Variants in RAD51B observed in about 807,000 individuals in gnomAD.
The protein encoded by RAD51B is DNA repair protein RAD51 homolog 2.
A neutral mutation model predicts 42.2 loss-of-function variants in RAD51B; 38 were observed. That is an observed-to-expected ratio of 0.90 (90% CI 0.70 to 1.18). The LOEUF (loss-of-function observed/expected upper bound fraction) is 1.18. Ranked by LOEUF, RAD51B falls within the 50% of genes most tolerant of loss-of-function variation. The pLI is 0.00. For missense variants in RAD51B, 373 were observed against 400.7 expected (o/e 0.93, Z 0.59); for synonymous variants, 154 against 145.2 (o/e 1.06, Z -0.43).
At chr14:67,892,479 A>G (rs571029389) in intron 7 of RAD51B, among the ~76,000 whole-genome samples, 2 of 152,324 alleles carry the variant, frequency 1.3e-5, no homozygotes, top group African/African-American at 4.8e-5. Context: ...TTCATAGGTT[A>G]TGCAGGCAAG....
chr14:67,830,385 CAG>C (rs946917598), intron 3 of RAD51B, among the ~76,000 whole-genome samples: 7 of 149,898 alleles, frequency 4.7e-5, no homozygotes, highest in Non-Finnish European at 1.0e-4. Context: ...ATTAATATGA[CAG>C]ATATTTAGGA....
intron 10 of RAD51B, among the ~76,000 whole-genome samples, chr14:68,493,840 T>C (rs150527514): frequency 1.3e-3 from 192 of 152,252 alleles, no homozygotes; most frequent in African/African-American, 4.5e-3. Flanking sequence ...GTCAGGCGGG[T>C]TTTCATTTTC....
intron 7 of RAD51B, among the ~76,000 whole-genome samples, chr14:68,201,160 A>T (rs900033734): frequency 3.9e-5 from 6 of 152,174 alleles, no homozygotes; most frequent in African/African-American, 1.4e-4. Context: ...TTAAGAGAAA[A>T]TTTTTTTCTC....
chr14:68,372,481 G>C (rs905007165), intron 8 of RAD51B, among the ~76,000 whole-genome samples: 3 of 152,150 alleles, frequency 2.0e-5, no homozygotes, highest in African/African-American at 7.2e-5. Flanking sequence ...AGACCTCAAA[G>C]GTATTAGAAG....
chr14:68,614,303 C>T (rs1891781221), downstream of RAD51B, among the ~76,000 whole-genome samples: 1 of 152,140 alleles, frequency 6.6e-6, no homozygotes, highest in East Asian at 1.9e-4. Flanking sequence ...AGCCTTTATC[C>T]ATTATCAACA....
intron 8 of RAD51B, among the ~76,000 whole-genome samples, chr14:68,338,121 A>C (rs1390322303): frequency 6.6e-6 from 1 of 152,008 alleles, no homozygotes; most frequent in East Asian, 1.9e-4. Context: ...AATAACTGAA[A>C]CCCAAACTAT....
intron 7 of RAD51B, among the ~76,000 whole-genome samples, chr14:67,938,732 A>G (rs1420068470): frequency 2.0e-5 from 3 of 152,228 alleles, no homozygotes; most frequent in Non-Finnish European, 2.9e-5. Context: ...CTCAAATACT[A>G]TTGAATTAAA....
At chr14:68,620,481 A>G (rs767130019) in intron 10 of RAD51B, among the ~76,000 whole-genome samples, 1 of 152,228 alleles carries the variant, frequency 6.6e-6, no homozygotes, top group African/African-American at 2.4e-5. Flanking sequence ...AGCTGCTCAC[A>G]TTATTGGTTC....
chr14:68,591,040 A>C (rs1194421344), intron 10 of RAD51B, among the ~76,000 whole-genome samples: 1 of 152,192 alleles, frequency 6.6e-6, no homozygotes, highest in Non-Finnish European at 1.5e-5. Flanking sequence ...GGCCTTGTGC[A>C]TCTCACTAGT....
intron 7 of RAD51B, among the ~76,000 whole-genome samples, chr14:68,014,450 C>G (rs1223962444): frequency 1.3e-5 from 2 of 152,116 alleles, no homozygotes; most frequent in African/African-American, 4.8e-5. Context: ...ATCTCCTACT[C>G]TCTACTCATC....
At chr14:67,893,011 A>G (rs2043265304) in intron 7 of RAD51B, among the ~76,000 whole-genome samples, 1 of 152,174 alleles carries the variant, frequency 6.6e-6, no homozygotes, top group African/African-American at 2.4e-5. Flanking sequence ...AACTGTGAAT[A>G]TAACAGCTTT....
chr14:67,867,017 A>T (rs891644823), intron 5 of RAD51B, among the ~76,000 whole-genome samples: 1 of 152,312 alleles, frequency 6.6e-6, no homozygotes, highest in African/African-American at 2.4e-5. Flanking sequence ...CAAGGCTTAA[A>T]ATGAGTGATC....
chr14:67,907,017 C>A (rs1192926856), intron 7 of RAD51B, among the ~76,000 whole-genome samples: 3 of 152,028 alleles, frequency 2.0e-5, no homozygotes, highest in African/African-American at 7.3e-5. Flanking sequence ...CCATGTTGGT[C>A]AGGCTGGTCT....
At chr14:67,887,361 C>A in intron 7 of RAD51B, 157 bp downstream of exon 7, 1 of 532,042 alleles carries the variant, frequency 1.9e-6, no homozygotes, top group Non-Finnish European at 3.2e-6. Flanking sequence ...GCAAACATCG[C>A]CATCATCTTA....
intron 7 of RAD51B, among the ~76,000 whole-genome samples, chr14:67,997,369 G>A (rs1037656993): frequency 1.3e-4 from 20 of 152,092 alleles, no homozygotes; most frequent in African/African-American, 4.8e-4. Context: ...GATAAGGGAT[G>A]AAATCAAGAG....
intron 7 of RAD51B, among the ~76,000 whole-genome samples, chr14:68,132,265 T>C (rs2077908377): frequency 6.6e-6 from 1 of 152,170 alleles, no homozygotes; most frequent in Admixed American, 6.5e-5. Context: ...CCTCAAAGAT[T>C]TGGGGTGCTA....
intron 8 of RAD51B, among the ~76,000 whole-genome samples, chr14:68,360,912 G>A (rs2139910588): frequency 6.6e-6 from 1 of 152,310 alleles, no homozygotes; most frequent in Middle Eastern, 3.4e-3. Flanking sequence ...ACAGAGCAAG[G>A]CCTGTCTGTT....
rs1430670952 is a variant in RAD51B at position 68,236,769 on chromosome 14, T to C, written c.757-55115T>C. ...TCTTTGTGTCTATTTGGGGAGGAGT[T>C]GGGGAGTTGTTCTCTGAAACGCAAA... On this transcript the variant is annotated intron_variant, in intron 7 of 10. Transcript: ENST00000471583. Among the ~76,000 whole-genome samples, 3 of 152,168 alleles carry C rather than the reference T, an allele frequency of 2.0e-5. No individual in the cohort carries two copies. In the East Asian group the frequency reaches 5.8e-4, roughly 29 times the overall value.
At chr14:68,143,916 A>G (rs907841775) in intron 7 of RAD51B, among the ~76,000 whole-genome samples, 4 of 150,908 alleles carry the variant, frequency 2.7e-5, no homozygotes, top group African/African-American at 9.8e-5. Flanking sequence ...TGATGGCTTT[A>G]TTTTTTTCTC....
Sources: allele counts gnomAD v4.1 joint callset (sites outside exome capture counted in the v4.1 genomes callset), GRCh38; gene constraint gnomAD v4.1.1; transcripts MANE v1.5; gene names NCBI Gene and HGNC (gene_info 2026-07-23, HGNC 2026-07-21).